Variants in GOLGA1 observed in about 807,000 individuals in gnomAD.
The protein encoded by GOLGA1 is golgin A1.
GOLGA1 carries 63 observed loss-of-function variants against 119.7 expected under a neutral mutation model. That is an observed-to-expected ratio of 0.53 (90% CI 0.43 to 0.65). The LOEUF is 0.65. GOLGA1 is among the 30% of genes least tolerant of loss of function. The pLI is 0.00. For synonymous variants in GOLGA1, 318 were observed against 333.4 expected (o/e 0.95, Z 0.50); for missense variants, 798 against 912.8 (o/e 0.87, Z 1.62).
chr9:124,941,756 G>C (rs1349806131), upstream of GOLGA1, among the ~76,000 whole-genome samples: 1 of 152,196 alleles, frequency 6.6e-6, no homozygotes, highest in Non-Finnish European at 1.5e-5. Context: ...ACCATCCGCT[G>C]CTGGGCCGTC....
chr9:124,920,535 G>A (rs1830545220), intron 10 of GOLGA1, among the ~76,000 whole-genome samples: 2 of 152,136 alleles, frequency 1.3e-5, no homozygotes, highest in Non-Finnish European at 2.9e-5. Context: ...TTGATTACGT[G>A]CCATAAAACA....
chr9:124,905,046 T>G (rs1830196441), intron 12 of GOLGA1, among the ~76,000 whole-genome samples: 2 of 150,586 alleles, frequency 1.3e-5, no homozygotes, highest in African/African-American at 4.9e-5. Context: ...TTTGGGAGGT[T>G]GAGGCAGGAG....
At chr9:124,937,603 C>T (rs111858663) in intron 3 of GOLGA1, among the ~76,000 whole-genome samples, 37 of 148,104 alleles carry the variant, frequency 2.5e-4, no homozygotes, top group African/African-American at 8.5e-4. Context: ...TGCACTCCGG[C>T]CTGGCTGACA....
chr9:124,901,240 G>A (rs1830098552), intron 12 of GOLGA1, among the ~76,000 whole-genome samples: 1 of 149,378 alleles, frequency 6.7e-6, no homozygotes, highest in Non-Finnish European at 1.5e-5. Flanking sequence ...CAAAGTGCTG[G>A]GGCTACAGGC....
Position 124,899,482 on chromosome 9 carries a change from C to T in GOLGA1, c.1162-4G>A, listed in dbSNP as rs914611565. 16 of 1,543,874 alleles carry T rather than the reference C, an allele frequency of 1.0e-5. No homozygotes were observed. Among genetic ancestry groups the T allele is most frequent in the Middle Eastern group, 1.7e-4 (1 of 6,014 alleles). On this transcript the variant is annotated splice_polypyrimidine_tract_variant and splice_region_variant and intron_variant, in intron 13 of 22. Transcript: ENST00000373555. Reference sequence around the variant, plus strand: ...TGCTCTCCTGGTTGGCGGCAGCCTGCGGGGAGACCAAAGGACGGTCAGTCA... The same window carrying T: ...TGCTCTCCTGGTTGGCGGCAGCCTGTGGGGAGACCAAAGGACGGTCAGTCA...
At chr9:124,887,927 A>G (rs1393899377) in intron 19 of GOLGA1, among the ~76,000 whole-genome samples, 1 of 152,202 alleles carries the variant, frequency 6.6e-6, no homozygotes, top group Admixed American at 6.5e-5. Context: ...ACAGCTGTAG[A>G]AAGGAAGTAT....
intron 13 of GOLGA1, 197 bp downstream of exon 13, chr9:124,900,255 A>G (rs777633665): frequency 2.3e-6 from 1 of 439,594 alleles, no homozygotes; most frequent in Non-Finnish European, 4.1e-6. Flanking sequence ...TGCACCTCCC[A>G]GGTAACTCAG....
At chr9:124,906,700 C>T (rs573938026) in intron 12 of GOLGA1, among the ~76,000 whole-genome samples, 9 of 151,934 alleles carry the variant, frequency 5.9e-5, no homozygotes, top group East Asian at 3.9e-4. Flanking sequence ...TGCAGTGAGC[C>T]GAGATTGTGC....
intron 12 of GOLGA1, among the ~76,000 whole-genome samples, chr9:124,907,427 T>C (rs781377366): frequency 1.3e-5 from 2 of 152,218 alleles, no homozygotes; most frequent in South Asian, 2.1e-4. Flanking sequence ...GGAACAGGAA[T>C]AGATTTTCTA....
At position 124,900,483 on chromosome 9, in the gene GOLGA1, A is replaced by G. The variant is rs1161330119; in HGVS notation, c.1130T>C (p.Val377Ala). 6.3e-7 allele frequency: 1 copy of G among 1,598,570 alleles called. No individual in the cohort carries two copies. The highest frequency in any genetic ancestry group is 8.6e-7 in the Non-Finnish European group (1 of 1,165,934). Residue 377 changes from valine (V) to alanine (A), a missense_variant, in exon 13 of 23, where the codon GTG becomes GCG. By Grantham distance (64) the Val-to-Ala change is moderately conservative. Coordinates refer to ENST00000373555, the MANE Select transcript of GOLGA1 (RefSeq NM_002077.4). ...EEQLQQSKGI[V>A]AAQETQIQEL... ...CTGTATCTGAGTTTCCTGGGCAGCC[A>G]CAATGCCCTTGCTCTGTTGGAGCTG...
chr9:124,901,603 T>C (rs901406489), intron 12 of GOLGA1, among the ~76,000 whole-genome samples: 2 of 151,800 alleles, frequency 1.3e-5, no homozygotes, highest in Non-Finnish European at 2.9e-5. Flanking sequence ...ACCCAGCTAA[T>C]GTTTTGTATT....
At chr9:124,935,698 G>A (rs1473556159) in intron 3 of GOLGA1, among the ~76,000 whole-genome samples, 1 of 150,214 alleles carries the variant, frequency 6.7e-6, no homozygotes, top group Non-Finnish European at 1.5e-5. Context: ...TTGGGAGGCT[G>A]AGTGAGGCAG....
chr9:124,929,656 T>C (rs1229640648), intron 4 of GOLGA1, among the ~76,000 whole-genome samples: 2 of 149,284 alleles, frequency 1.3e-5, no homozygotes, highest in African/African-American at 5.2e-5. Flanking sequence ...AGCAGTAGGA[T>C]AGATCAAAGT....
chr9:124,909,063 A>T (rs1830285897), intron 11 of GOLGA1, among the ~76,000 whole-genome samples: 1 of 152,142 alleles, frequency 6.6e-6, no homozygotes, highest in South Asian at 2.1e-4. Context: ...TAATCCCAGA[A>T]CTTTGGGAGG....
chr9:124,939,553 T>TCC (rs1356517280), intron 2 of GOLGA1, among the ~76,000 whole-genome samples: 6 of 34,964 alleles, frequency 1.7e-4, no homozygotes, highest in African/African-American at 9.0e-4. Context: ...TTTCTTTCTT[T>TCC]TTTTTTTTTT....
Position 124,923,082 on chromosome 9 carries a change from C to G in GOLGA1, c.561+13G>C. 6.3e-7 allele frequency: 1 copy of G among 1,596,948 alleles called. No individual in the cohort carries two copies. Among genetic ancestry groups the G allele is most frequent in the Non-Finnish European group, 8.6e-7 (1 of 1,169,482 alleles). ...TCTATTCAGTATTTAGCTACTAAAA[C>G]AAAAATGCATACCATGTGCTTTATT... On this transcript the variant is annotated intron_variant, in intron 8 of 22. Transcript: ENST00000373555.
chr9:124,900,408 A>C, intron 13 of GOLGA1, 44 bp downstream of exon 13: 1 of 977,302 alleles, frequency 1.0e-6, no homozygotes, highest in African/African-American at 1.6e-5. Flanking sequence ...CCTGGAGAGA[A>C]AGCATTAAGG....
chr9:124,899,279 TGG>T (rs1167187250), intron 14 of GOLGA1, 48 bp downstream of exon 14: 16 of 1,496,158 alleles, frequency 1.1e-5, no homozygotes, highest in Non-Finnish European at 1.4e-5. Context: ...GACTTCGCTG[TGG>T]GGGACCCTGG....
In GOLGA1 at chr9:124,888,315, C is replaced by T; in HGVS notation, c.1843G>A (p.Asp615Asn). ...RTPNGEVGAM[D>N]LTQLQKEKQD... is the part of the protein sequence containing the mutation. Reference sequence around the variant, plus strand: ...TTCTCCTTCTGTAGCTGTGTGAGATCCATGGCCCCAACCTCACCATTTGGT... The same window carrying T: ...TTCTCCTTCTGTAGCTGTGTGAGATTCATGGCCCCAACCTCACCATTTGGT... Residue 615 changes from aspartate to asparagine, a missense_variant, in exon 19 of 23, where the codon GAT becomes AAT. By Grantham distance (23) the Asp-to-Asn change is conservative. Coordinates refer to ENST00000373555, the MANE Select transcript of GOLGA1 (RefSeq NM_002077.4). This position sits in a 1 kb window ranked among gnomAD's most constrained non-coding sequence, Gnocchi z 4.4. The T allele has an allele frequency of 6.2e-7, 1 of 1,613,880 alleles. No individual in the cohort carries two copies. Among genetic ancestry groups the T allele is most frequent in the East Asian group, 2.2e-5 (1 of 44,884 alleles).
Sources: gnomAD v4.1 joint callset for allele counts (sites outside exome capture counted in the v4.1 genomes callset) on GRCh38, gnomAD v4.1.1 for gene constraint, Gnocchi (gnomAD v3.1) non-coding constraint, MANE v1.5 for transcripts, NCBI Gene and HGNC (gene_info 2026-07-23, HGNC 2026-07-21) for gene names.